Variants in XIAP observed in about 807,000 individuals in gnomAD.
XIAP encodes the protein E3 ubiquitin-protein ligase XIAP.
In XIAP, 3 loss-of-function variants were observed where a neutral mutation model predicts 33.1. The observed-to-expected ratio is 0.09, with a 90% CI of 0.04 to 0.23. XIAP has a LOEUF of 0.23. XIAP is among the 10% of genes least tolerant of loss of function. The probability of loss-of-function intolerance (pLI) is 1.00; values close to 1 mark genes in which losing one functional copy is unlikely to be tolerated. For missense variants in XIAP, 264 were observed against 363.0 expected, an observed-to-expected ratio of 0.73 and a Z score of 2.22; for synonymous variants, 98 against 121.3, an observed-to-expected ratio of 0.81 and a Z score of 1.26.
rs1371618333 is a variant in XIAP, at chrX:123,908,780, G to A, written c.*1599G>A. 7 of 346,539 alleles carry A rather than the reference G, an allele frequency of 2.0e-5. No homozygotes were observed. The highest frequency in any genetic ancestry group is 3.3e-5 in the Non-Finnish European group (6 of 182,144). 28.6% of individuals were successfully genotyped at this position (346,539 alleles called of 1,213,427 possible). On this transcript the variant is annotated 3_prime_UTR_variant, in exon 7 of 7. Transcript: ENST00000371199. ...TTAAAAAACACTTGAATAAGAATCAGTAGGGTATAAACTAGAAGTTTAAAA... is the reference window on the plus strand; with the variant it reads ...TTAAAAAACACTTGAATAAGAATCAATAGGGTATAAACTAGAAGTTTAAAA...
intron 5 of XIAP, among the ~76,000 whole-genome samples, chrX:123,895,320 A>G (rs2053450215): frequency 8.9e-6 from 1 of 112,557 alleles, no homozygotes; most frequent in African/African-American, 3.2e-5. Flanking sequence ...CATTGTATAA[A>G]TAATACCACA....
chrX:123,887,970 G>A (rs1410275887), intron 2 of XIAP, among the ~76,000 whole-genome samples: 1 of 106,047 alleles, frequency 9.4e-6, no homozygotes, highest in Non-Finnish European at 1.9e-5. Context: ...GGCAACAAGA[G>A]TAAAACTCCA....
intron 6 of XIAP, among the ~76,000 whole-genome samples, chrX:123,904,373 T>C (rs1360842512): frequency 8.9e-6 from 1 of 112,177 alleles, no homozygotes; most frequent in African/African-American, 3.2e-5. Flanking sequence ...TCTTATAATA[T>C]AAATCAGCTT....
At chrX:123,878,037 G>GGTTAAATAT (rs2053263703) in intron 1 of XIAP, among the ~76,000 whole-genome samples, 1 of 110,704 alleles carries the variant, frequency 9.0e-6, no homozygotes, top group African/African-American at 3.3e-5. Flanking sequence ...CTGTGAAACA[G>GGTTAAATAT]GTTAAATATG....
At chrX:123,891,898 G>C (rs750792030) in intron 4 of XIAP, among the ~76,000 whole-genome samples, 17 of 106,611 alleles carry the variant, frequency 1.6e-4, no homozygotes, top group African/African-American at 5.4e-4. Flanking sequence ...TTTGTCAAAA[G>C]ATAATCAGGA....
At chrX:123,900,413 T>C in intron 5 of XIAP, 80 bp from the exon 6 acceptor site, 1 of 860,173 alleles carries the variant, frequency 1.2e-6, no homozygotes, top group Middle Eastern at 4.2e-4. Context: ...TCATTTTAAC[T>C]ATATTTTGCT....
At chrX:123,899,090 G>A (rs191568689) in intron 5 of XIAP, among the ~76,000 whole-genome samples, 54 of 77,873 alleles carry the variant, frequency 6.9e-4, no homozygotes, top group African/African-American at 2.6e-3. Context: ...ATTACACTCC[G>A]GCCTGGGTGA....
rs1053765911 is a variant in XIAP at position 123,910,459 on chromosome X, T to C, written c.*3278T>C. The C allele has an allele frequency of 2.4e-5, 8 of 328,177 alleles. No homozygotes were observed. Among genetic ancestry groups the C allele is most frequent in the African/African-American group, 1.9e-4 (7 of 37,786 alleles). 27.0% of individuals were successfully genotyped at this position (328,177 alleles called of 1,213,427 possible). ...AGCATTAGTTTCACATGATATACCC[T>C]TTAAACCCGAATCATTGTTTTATTT... On this transcript the variant is annotated 3_prime_UTR_variant, in exon 7 of 7. Coordinates refer to ENST00000371199, the MANE Select transcript of XIAP (RefSeq NM_001167.4).
chrX:123,889,645 G>C (rs1325266822), intron 3 of XIAP, among the ~76,000 whole-genome samples: 1 of 109,314 alleles, frequency 9.1e-6, no homozygotes, highest in Admixed American at 9.9e-5. Context: ...AGCCTCCTGA[G>C]TAGCTGGGAT....
intron 5 of XIAP, among the ~76,000 whole-genome samples, chrX:123,898,160 A>G (rs1304492938): frequency 1.8e-5 from 2 of 111,324 alleles, no homozygotes; most frequent in African/African-American, 6.5e-5. Context: ...GCTCTCTGTA[A>G]TCCTTTTACA....
intron 2 of XIAP, among the ~76,000 whole-genome samples, chrX:123,888,104 C>T (rs373229529): frequency 1.8e-5 from 2 of 110,223 alleles, no homozygotes; most frequent in African/African-American, 6.6e-5. Flanking sequence ...AAGGCCGAGG[C>T]GGGTGGATCA....
At chrX:123,892,478 C>G (rs1329927490) in intron 4 of XIAP, among the ~76,000 whole-genome samples, 1 of 111,171 alleles carries the variant, frequency 9.0e-6, no homozygotes. Context: ...CTAGAGTTGC[C>G]CCCAGTGACT....
At chrX:123,865,869 C>G in intron 1 of XIAP, among the ~76,000 whole-genome samples, 1 of 111,199 alleles carries the variant, frequency 9.0e-6, no homozygotes, top group Non-Finnish European at 1.9e-5. Context: ...ATTCTGGTGA[C>G]TCAGCCTCCC....
At chrX:123,863,325 C>T (rs1403803200) in intron 1 of XIAP, among the ~76,000 whole-genome samples, 4 of 108,439 alleles carry the variant, frequency 3.7e-5, no homozygotes, top group African/African-American at 1.3e-4. Flanking sequence ...GCGGTACACC[C>T]CTGTAGTCCC....
chrX:123,874,869 ATTTTTT>A (rs773693860), intron 1 of XIAP, among the ~76,000 whole-genome samples: 1 of 42,802 alleles, frequency 2.3e-5, no homozygotes. Context: ...TAATTCTTGT[ATTTTTT>A]TTTTTTTTTT....
In XIAP at chrX:123,886,465, G is replaced by T; in HGVS notation, c.803G>T (p.Arg268Leu). 1 of 1,208,851 alleles carries T rather than the reference G, an allele frequency of 8.3e-7. No individual in the cohort carries two copies. Among genetic ancestry groups the T allele is most frequent in the Non-Finnish European group, 1.1e-6 (1 of 895,513 alleles). Residue 268 changes from arginine to leucine, a missense_variant, in exon 2 of 7, where the codon CGG becomes CTG. By Grantham distance (102) the Arg-to-Leu change is moderately radical. Coordinates refer to ENST00000371199, the MANE Select transcript of XIAP (RefSeq NM_001167.4). ...RNPSMADYEA[R>L]IFTFGTWIYS... Reference sequence around the variant, plus strand: ...CCATCCATGGCAGATTATGAAGCACGGATCTTTACTTTTGGGACATGGATA... The same window carrying T: ...CCATCCATGGCAGATTATGAAGCACTGATCTTTACTTTTGGGACATGGATA...
At chrX:123,897,207 C>T (rs2053469515) in intron 5 of XIAP, among the ~76,000 whole-genome samples, 1 of 111,577 alleles carries the variant, frequency 9.0e-6, no homozygotes, top group African/African-American at 3.3e-5. Context: ...GGATTACAGG[C>T]GTGAGCCACC....
At position 123,911,637 on chromosome X, in the gene XIAP, C is replaced by T. The variant is rs1261236153; in HGVS notation, c.*4456C>T. On this transcript the variant is annotated 3_prime_UTR_variant, in exon 7 of 7. Coordinates refer to ENST00000371199, the MANE Select transcript of XIAP (RefSeq NM_001167.4). ...AGGCAGCAGTGAGCTATGATTGTGCCACTGTACTCCAGTCTGGGTGACAGA... is the reference window on the plus strand; with the variant it reads ...AGGCAGCAGTGAGCTATGATTGTGCTACTGTACTCCAGTCTGGGTGACAGA... The T allele has an allele frequency of 6.2e-6, 2 of 324,503 alleles. No homozygotes were observed. Among genetic ancestry groups the T allele is most frequent in the South Asian group, 5.4e-5 (2 of 37,251 alleles). 26.7% of individuals were successfully genotyped at this position (324,503 alleles called of 1,213,427 possible).
chrX:123,877,967 C>G (rs1176698216), intron 1 of XIAP, among the ~76,000 whole-genome samples: 1 of 68,387 alleles, frequency 1.5e-5, no homozygotes, highest in Non-Finnish European at 2.7e-5. Flanking sequence ...GACTCCGTCT[C>G]AAAGAAAAAA....
Sources: allele counts gnomAD v4.1 joint callset (sites outside exome capture counted in the v4.1 genomes callset), GRCh38; gene constraint gnomAD v4.1.1; transcripts MANE v1.5; gene names NCBI Gene and HGNC (gene_info 2026-07-23, HGNC 2026-07-21).